AVEN: variants seen among roughly 807,000 people sequenced by gnomAD.
AVEN encodes apoptosis and caspase activation inhibitor, also known as cell death regulator Aven.
A neutral mutation model predicts 38.1 loss-of-function variants in AVEN; 41 were observed. That is an observed-to-expected ratio of 1.08 (90% CI 0.84 to 1.40). AVEN has a LOEUF of 1.40. Among genes scored for constraint, AVEN ranks in the 40% most tolerant of loss-of-function variants. The pLI is 0.00. For synonymous variants in AVEN, 206 were observed against 171.8 expected (o/e 1.20, Z -1.56); for missense variants, 605 against 438.8 (o/e 1.38, Z -3.38).
At chr15:34,012,990 G>A (rs948146429) in intron 1 of AVEN, among the ~76,000 whole-genome samples, 15 of 152,080 alleles carry the variant, frequency 9.9e-5, no homozygotes, top group African/African-American at 3.6e-4. Context: ...CTTTTTTAAT[G>A]GTTATAATCA....
chr15:33,924,381 A>T (rs1158108823), intron 2 of AVEN, among the ~76,000 whole-genome samples: 2 of 151,874 alleles, frequency 1.3e-5, no homozygotes, highest in African/African-American at 2.4e-5. Context: ...AAAAAAAAAA[A>T]ATTATTATTT....
At chr15:34,009,444 T>G (rs1008759692) in intron 1 of AVEN, among the ~76,000 whole-genome samples, 1 of 152,218 alleles carries the variant, frequency 6.6e-6, no homozygotes, top group Admixed American at 6.5e-5. Context: ...TGTGTATAAT[T>G]GTATTGCTGG....
chr15:34,048,850 C>T (rs1899824738), intron 5 of AVEN, among the ~76,000 whole-genome samples: 2 of 152,202 alleles, frequency 1.3e-5, no homozygotes, highest in South Asian at 4.1e-4. Flanking sequence ...CAGTCTGCCA[C>T]CTTTGCTGTT....
At position 33,867,761 on chromosome 15, in the gene AVEN, C is replaced by G. The variant is rs137887529; in HGVS notation, c.707G>C (p.Gly236Ala). 6.2e-7 allele frequency: 1 copy of G among 1,614,194 alleles called. No homozygotes were observed. ...GMQLKGPLGP[G>A]GRGPIFELKS... ...CAGCTCAAAGATGGGCCCCCTTCCTCCAGGCCCCAAGGGCCCCTTTAACTG... is the reference window on the plus strand; with the variant it reads ...CAGCTCAAAGATGGGCCCCCTTCCTGCAGGCCCCAAGGGCCCCTTTAACTG... The change falls in exon 5 of 6, where the codon GGA (glycine) becomes GCA (alanine). Residue 236 changes from glycine to alanine, a missense_variant. Coordinates refer to ENST00000306730, the MANE Select transcript of AVEN (RefSeq NM_020371.3).
chr15:33,955,226 CAA>C (rs1295879152), intron 2 of AVEN, among the ~76,000 whole-genome samples: 14 of 151,562 alleles, frequency 9.2e-5, no homozygotes, highest in African/African-American at 3.4e-4. Flanking sequence ...CTTAGTGACT[CAA>C]GGAACTATTG....
chr15:33,963,752 G>A (rs529772694), intron 2 of AVEN, among the ~76,000 whole-genome samples: 91 of 137,418 alleles, frequency 6.6e-4, no homozygotes, highest in African/African-American at 2.2e-3. Context: ...AGCCGAGATC[G>A]CACCACTGCA....
At chr15:33,876,566 T>C (rs7171598) in intron 2 of AVEN, among the ~76,000 whole-genome samples, 99,699 of 151,498 alleles carry the variant, frequency 0.66, 34,712 homozygotes, top group East Asian at 0.81. Context: ...AGTGAGACCC[T>C]ATCTCAAAAA....
At chr15:33,916,257 A>AC (rs566547225) in intron 2 of AVEN, among the ~76,000 whole-genome samples, 82 of 152,142 alleles carry the variant, frequency 5.4e-4, no homozygotes, top group Non-Finnish European at 1.2e-3. Context: ...ACAACTAAGG[A>AC]CCCTCACAGA....
intron 1 of AVEN, among the ~76,000 whole-genome samples, chr15:34,015,259 G>A (rs923812278): frequency 2.6e-5 from 4 of 152,086 alleles, no homozygotes; most frequent in East Asian, 1.9e-4. Flanking sequence ...CAAGGCAGGC[G>A]GGTCACGAGG....
rs564317838 is a variant in AVEN at position 33,922,075 on chromosome 15, A to G, written c.446-46080T>C. On this transcript the variant is annotated intron_variant, in intron 2 of 5. Coordinates refer to ENST00000306730, the MANE Select transcript of AVEN (RefSeq NM_020371.3). ...GGTGTTTATTAGTAAGAAAGTCCCTATCGATGGATTTTAGCAGGACGTATC... is the reference window on the plus strand; with the variant it reads ...GGTGTTTATTAGTAAGAAAGTCCCTGTCGATGGATTTTAGCAGGACGTATC... Among the ~76,000 whole-genome samples the G allele has an allele frequency of 9.2e-5, 14 of 152,324 alleles. No homozygotes were observed. In the South Asian group the frequency reaches 2.9e-3, roughly 32 times the overall value.
At position 34,039,020 on chromosome 15, in the gene AVEN, TC is replaced by T. The variant is rs1179304884; in HGVS notation, c.26del (p.Gly9GlufsTer27). 8.9e-7 allele frequency: 1 copy of T among 1,120,072 alleles called. No homozygotes were observed. Among genetic ancestry groups the T allele is most frequent in the Non-Finnish European group, 1.1e-6 (1 of 918,350 alleles). The allele number at this position is 1,120,072 out of a possible 1,614,324, so 69.4% of individuals were successfully genotyped here. ...CGCGGCCTGGCCGCCGCCCACGGCC[TC>T]CCCGAGCTCCTCGCTCCGCCTGCAT... is the stretch of plus-strand genomic sequence containing the variant. MQAERGAR[G>X]GRGRRPGRGR... is the part of the protein sequence containing the mutation. On this transcript the variant is annotated frameshift_variant, in exon 1 of 6. Transcript: ENST00000306730. LOFTEE classifies it high-confidence loss of function.
chr15:34,045,084 A>G (rs1358459305), intron 5 of AVEN, among the ~76,000 whole-genome samples: 1 of 152,198 alleles, frequency 6.6e-6, no homozygotes, highest in Non-Finnish European at 1.5e-5. Flanking sequence ...AAAGTAATTT[A>G]ATGACCTCAG....
At chr15:33,933,160 C>T (rs73379573) in intron 2 of AVEN, among the ~76,000 whole-genome samples, 3,701 of 152,244 alleles carry the variant, frequency 0.024, 133 homozygotes, top group African/African-American at 0.083. Context: ...CCTCCTCACA[C>T]GCTGGCAGCT....
chr15:33,852,761 G>A, the AVEN span: 2 of 336,084 alleles, frequency 6.0e-6, no homozygotes, highest in Non-Finnish European at 1.1e-5. Flanking sequence ...AACTGTCTCT[G>A]TCTAATCTGT....
chr15:33,956,986 A>G (rs540744251), intron 2 of AVEN, among the ~76,000 whole-genome samples: 1 of 152,152 alleles, frequency 6.6e-6, no homozygotes, highest in South Asian at 2.1e-4. Flanking sequence ...TCATTGTCTG[A>G]TATTTAGAAT....
rs570040568 is a variant in AVEN at position 33,961,542 on chromosome 15, G to A, written c.445+41490C>T. On this transcript the variant is annotated intron_variant, in intron 2 of 5. Coordinates refer to ENST00000306730, the MANE Select transcript of AVEN (RefSeq NM_020371.3). ...AAAATAAAGTGTCTGCACTGGGTGA[G>A]GTGGCTCATGCCTGTAATCCCAGCA... 2.8e-3 allele frequency among the ~76,000 whole-genome samples: 421 copies of A among 151,752 alleles called. 3 individuals carry two copies. The highest frequency in any genetic ancestry group is 8.6e-3 in the African/African-American group (355 of 41,336).
intron 2 of AVEN, among the ~76,000 whole-genome samples, chr15:33,923,719 G>C (rs1038133072): frequency 3.9e-5 from 6 of 152,026 alleles, no homozygotes; most frequent in Non-Finnish European, 8.8e-5. Flanking sequence ...TAGGGGTTAG[G>C]AACCAGGCCA....
intron 2 of AVEN, among the ~76,000 whole-genome samples, chr15:33,964,793 T>A (rs1895325270): frequency 6.6e-6 from 1 of 152,198 alleles, no homozygotes; most frequent in Non-Finnish European, 1.5e-5. Flanking sequence ...TTAAAGACAG[T>A]CAACTCTCCA....
At chr15:34,036,467 C>T (rs999980351) in intron 1 of AVEN, among the ~76,000 whole-genome samples, 1 of 152,110 alleles carries the variant, frequency 6.6e-6, no homozygotes, top group Non-Finnish European at 1.5e-5. Context: ...GTTACTCTCT[C>T]CTTGGGGCAC....
Sources: gnomAD v4.1 joint callset for allele counts (sites outside exome capture counted in the v4.1 genomes callset) on GRCh38, gnomAD v4.1.1 for gene constraint, MANE v1.5 for transcripts, NCBI Gene and HGNC (gene_info 2026-07-23, HGNC 2026-07-21) for gene names.